The following DNAI4 variants were observed in gnomAD, a reference collection of about 807,000 sequenced individuals.
The protein encoded by DNAI4 is WD repeat domain 78.
DNAI4 carries 85 observed loss-of-function variants against 105.8 expected under a neutral mutation model. The observed-to-expected ratio is 0.80, with a 90% CI of 0.67 to 0.96. The LOEUF (loss-of-function observed/expected upper bound fraction) is 0.96, where lower values mean the gene tolerates loss of function less well. Among genes scored for constraint, DNAI4 ranks in the 40% least tolerant of loss-of-function variants. The pLI, the probability that DNAI4 is intolerant of heterozygous loss-of-function variation, is 0.00. For synonymous variants in DNAI4, 352 were observed against 331.5 expected (o/e 1.06, Z -0.67); for missense variants, 1,014 against 1,005.6 (o/e 1.01, Z -0.11).
At chr1:66,886,330 C>T (rs1319051528) in intron 4 of DNAI4, among the ~76,000 whole-genome samples, 1 of 152,026 alleles carries the variant, frequency 6.6e-6, no homozygotes, top group African/African-American at 2.4e-5. Flanking sequence ...TCATAACAGC[C>T]TGGGTTTGAT....
intron 1 of DNAI4, among the ~76,000 whole-genome samples, chr1:66,906,746 A>G (rs1030036385): frequency 2.0e-5 from 3 of 152,032 alleles, no homozygotes; most frequent in African/African-American, 7.3e-5. Context: ...TTCTCCTTCT[A>G]TCTCTAAGGA....
rs965967596 is a variant in DNAI4 at position 66,835,904 on chromosome 1, T to C, written c.1582-127A>G. On this transcript the variant is annotated intron_variant, in intron 10 of 16. Coordinates refer to ENST00000371026, the MANE Select transcript of DNAI4 (RefSeq NM_024763.5). Reference sequence around the variant, plus strand: ...GCAGAGTTAGCCCACATTCAGTTACTTCTGTCTTCCTAATTTCCAGTATAG... The same window carrying C: ...GCAGAGTTAGCCCACATTCAGTTACCTCTGTCTTCCTAATTTCCAGTATAG... The C allele has an allele frequency of 1.3e-5, 10 of 740,742 alleles. No individual in the cohort carries two copies. The African/African-American group carries it at 1.4e-4, about 10-fold the overall frequency. The allele number at this position is 740,742 out of a possible 1,614,324, so 45.9% of individuals were successfully genotyped here.
chr1:66,847,904 G>T, intron 7 of DNAI4: 3 of 483,988 alleles, frequency 6.2e-6, no homozygotes, highest in East Asian at 4.0e-5. Context: ...TCAGAAGATA[G>T]GCAATGATAA....
At chr1:66,913,268 T>C (rs558374655) in intron 1 of DNAI4, among the ~76,000 whole-genome samples, 11 of 152,256 alleles carry the variant, frequency 7.2e-5, no homozygotes, top group African/African-American at 2.6e-4. Context: ...AGTGATGATG[T>C]TGTTGGGGAT....
rs754533938 is a variant in DNAI4 at position 66,840,578 on chromosome 1, T to A, written c.1385A>T (p.His462Leu). The A allele has an allele frequency of 6.2e-7, 1 of 1,614,238 alleles. No homozygotes were observed. The highest frequency in any genetic ancestry group is 2.2e-5 in the East Asian group (1 of 44,890). Reference sequence around the variant, plus strand: ...GGCGGGTATTGTTGATTCTTCTGCATGTATTTCTTCTTCCTCCTCCTTCTT... The same window carrying A: ...GGCGGGTATTGTTGATTCTTCTGCAAGTATTTCTTCTTCCTCCTCCTTCTT... Reference protein sequence around the residue: ...ESKKEEEEEIHAEESTIPANL... With the variant: ...ESKKEEEEEILAEESTIPANL... The change falls in exon 9 of 17, where the codon CAT becomes CTT. Residue 462 changes from histidine (H) to leucine (L), a missense_variant. By Grantham distance (99) the His-to-Leu change is moderately conservative. Transcript: ENST00000371026.
At chr1:66,879,412 GTTTA>G (rs1209181121) in intron 4 of DNAI4, among the ~76,000 whole-genome samples, 3 of 152,090 alleles carry the variant, frequency 2.0e-5, no homozygotes, top group African/African-American at 7.2e-5. Context: ...ACATGCTATT[GTTTA>G]TTTATCTGTT....
At chr1:66,814,601 C>G (rs894150071) in intron 16 of DNAI4, among the ~76,000 whole-genome samples, 2 of 152,148 alleles carry the variant, frequency 1.3e-5, no homozygotes, top group African/African-American at 2.4e-5. Flanking sequence ...ATCTCCTGAC[C>G]TCATGATTCG....
rs773021281 is a variant in DNAI4 at position 66,905,232 on chromosome 1, T to C, written c.314A>G (p.Glu105Gly). 8 of 1,557,190 alleles carry C rather than the reference T, an allele frequency of 5.1e-6. No homozygotes were observed. The South Asian group carries it at 9.8e-5, about 19-fold the overall frequency. Reference sequence around the variant, plus strand: ...TGTCTTTATATTGGGATTTGGTTTTTCTACAGTTTTCAGTTCAGGTGGAAT... The same window carrying C: ...TGTCTTTATATTGGGATTTGGTTTTCCTACAGTTTTCAGTTCAGGTGGAAT... ...VLIPPELKTVEKPNPNIKTTQ... is the reference protein window; with the variant it reads ...VLIPPELKTVGKPNPNIKTTQ... The change falls in exon 2 of 17, where the codon GAA (glutamate) becomes GGA (glycine). Residue 105 changes from glutamate (E) to glycine (G), a missense_variant. Coordinates refer to ENST00000371026, the MANE Select transcript of DNAI4 (RefSeq NM_024763.5).
chr1:66,877,122 A>G (rs1646974557), intron 4 of DNAI4, among the ~76,000 whole-genome samples: 1 of 152,220 alleles, frequency 6.6e-6, no homozygotes, highest in Non-Finnish European at 1.5e-5. Flanking sequence ...CAGAGACCCC[A>G]GTAGAGAACA....
At chr1:66,909,285 T>TCTACACAC (rs143570368) in intron 1 of DNAI4, among the ~76,000 whole-genome samples, 4 of 134,466 alleles carry the variant, frequency 3.0e-5, no homozygotes, top group African/African-American at 1.2e-4. Flanking sequence ...CACCTCTCTC[T>TCTACACAC]ACACACACAC....
At chr1:66,836,194 AAGAAAGAAAGAAAGAG>A (rs1270383300) in intron 10 of DNAI4, among the ~76,000 whole-genome samples, 1,323 of 70,618 alleles carry the variant, frequency 0.019, 50 homozygotes, top group East Asian at 0.038. Context: ...GAAAGAAAGA[AAGAAAGAAAGAAAGAG>A]AGAGAGAGAG....
intron 1 of DNAI4, among the ~76,000 whole-genome samples, chr1:66,920,159 G>A (rs529432777): frequency 8.5e-5 from 13 of 152,298 alleles, no homozygotes; most frequent in Admixed American, 1.3e-4. Flanking sequence ...AGAAGCAGCT[G>A]GACGTTGGAA....
chr1:66,839,234 C>A (rs962849192), intron 9 of DNAI4, among the ~76,000 whole-genome samples: 5 of 152,146 alleles, frequency 3.3e-5, no homozygotes, highest in Non-Finnish European at 7.4e-5. Flanking sequence ...GAGTCCAAGA[C>A]CAGCCTTGGC....
chr1:66,853,424 G>T (rs1318701874), intron 7 of DNAI4, among the ~76,000 whole-genome samples: 2 of 152,204 alleles, frequency 1.3e-5, no homozygotes, highest in African/African-American at 4.8e-5. Flanking sequence ...TGAGGAACAA[G>T]TGGGCTCTAT....
intron 4 of DNAI4, among the ~76,000 whole-genome samples, chr1:66,883,028 G>A (rs965745264): frequency 5.9e-5 from 9 of 151,716 alleles, no homozygotes; most frequent in African/African-American, 2.2e-4. Flanking sequence ...CTTTTCTGAT[G>A]CTACTGTAAA....
intron 7 of DNAI4, chr1:66,860,640 A>G (rs542032805): frequency 6.6e-6 from 1 of 152,234 alleles, no homozygotes; most frequent in South Asian, 2.1e-4. Flanking sequence ...TTTTAAAAGC[A>G]CACCCATACA....
chr1:66,912,457 G>A lies in DNAI4; in HGVS notation c.171-7082C>T, dbSNP rs191483586. Among the ~76,000 whole-genome samples, 307 of 151,912 alleles carry A rather than the reference G, an allele frequency of 2.0e-3. 2 individuals are homozygous for A. Among genetic ancestry groups the A allele is most frequent in the African/African-American group, 6.9e-3 (286 of 41,396 alleles). On this transcript the variant is annotated intron_variant, in intron 1 of 16. Coordinates refer to ENST00000371026, the MANE Select transcript of DNAI4 (RefSeq NM_024763.5). The stretch of plus-strand genomic sequence containing the variant: ...GCACTCCAGCTTGGGGCGACAGAGT[G>A]CGACTGTGTCTCAAAAAAAAAAAGA...
intron 3 of DNAI4, 148 bp downstream of exon 3, chr1:66,893,081 G>GAAAGAAAGAAAGAAAGAAAGAAAGA (rs1647947296): frequency 2.6e-6 from 1 of 384,018 alleles, no homozygotes; most frequent in African/African-American, 2.2e-5. Flanking sequence ...AAGAAAGAAA[G>GAAAGAAAGAAAGAAAGAAAGAAAGA]AAAGAAAGAA....
At chr1:66,852,620 T>C (rs1646420054) in intron 7 of DNAI4, among the ~76,000 whole-genome samples, 1 of 151,970 alleles carries the variant, frequency 6.6e-6, no homozygotes, top group South Asian at 2.1e-4. Context: ...AAAAATCACA[T>C]GATCATATCA....
Sources: allele counts gnomAD v4.1 joint callset (sites outside exome capture counted in the v4.1 genomes callset), GRCh38; gene constraint gnomAD v4.1.1; transcripts MANE v1.5; gene names NCBI Gene and HGNC (gene_info 2026-07-23, HGNC 2026-07-21).